RC3H1: variants seen among roughly 807,000 people sequenced by gnomAD.
RC3H1 encodes the protein roquin-1.
In RC3H1, 50 loss-of-function variants were observed where a neutral mutation model predicts 138.2. The observed-to-expected ratio is 0.36, with a 90% CI of 0.29 to 0.46. The LOEUF (loss-of-function observed/expected upper bound fraction) is 0.46. Among genes scored for constraint, RC3H1 ranks in the 20% least tolerant of loss-of-function variants. The pLI is 1.00. For synonymous variants in RC3H1, 462 were observed against 489.1 expected (o/e 0.94, Z 0.73); for missense variants, 1,031 against 1,388.1 (o/e 0.74, Z 4.09).
intron 9 of RC3H1, among the ~76,000 whole-genome samples, chr1:173,967,570 T>C (rs2102954432): frequency 6.6e-6 from 1 of 152,354 alleles, no homozygotes; most frequent in Non-Finnish European, 1.5e-5. Context: ...TGCATTTCTT[T>C]AACAACTAGT....
intron 1 of RC3H1, among the ~76,000 whole-genome samples, chr1:173,998,509 T>C (rs1164828488): frequency 1.3e-5 from 2 of 152,300 alleles, no homozygotes; most frequent in South Asian, 2.1e-4. Flanking sequence ...AAAAATACCA[T>C]ATAATTTCCC....
At chr1:174,018,326 AAACT>A (rs1661901212) in intron 1 of RC3H1, among the ~76,000 whole-genome samples, 1 of 152,208 alleles carries the variant, frequency 6.6e-6, no homozygotes, top group Non-Finnish European at 1.5e-5. Flanking sequence ...AAAACAATAT[AAACT>A]AATAAGAAGT....
chr1:173,986,720 G>A (rs920563276), intron 2 of RC3H1, among the ~76,000 whole-genome samples: 1 of 152,112 alleles, frequency 6.6e-6, no homozygotes, highest in African/African-American at 2.4e-5. Flanking sequence ...GCGCCACCAC[G>A]CCTGGCTGAT....
In RC3H1 at chr1:173,938,865, TACATC is replaced by T. The variant is rs1212117474; in HGVS notation, c.3253_3257del (p.Asp1085ThrfsTer28). ...CTTGTGTCAAGGCTGATCCATTTGG[TACATC>T]ACTGCTGACATTTTAAAATTTTGAA... On this transcript the variant is annotated frameshift_variant and splice_region_variant, in exon 20 of 20. Coordinates refer to ENST00000367696, the MANE Select transcript of RC3H1 (RefSeq NM_172071.4). LOFTEE classifies it high-confidence loss of function. 3.7e-6 allele frequency: 6 copies of T among 1,602,850 alleles called. No homozygotes were observed. Among genetic ancestry groups the T allele is most frequent in the Non-Finnish European group, 5.1e-6 (6 of 1,175,596 alleles).
At chr1:173,967,921 C>T (rs895710636) in intron 9 of RC3H1, among the ~76,000 whole-genome samples, 18 of 152,198 alleles carry the variant, frequency 1.2e-4, no homozygotes, top group Admixed American at 4.6e-4. Context: ...TCTGTGGTTT[C>T]TTGCCTTCCT....
At chr1:173,996,882 A>T (rs1661470499) in intron 1 of RC3H1, among the ~76,000 whole-genome samples, 1 of 152,008 alleles carries the variant, frequency 6.6e-6, no homozygotes, top group Admixed American at 6.6e-5. Flanking sequence ...GTTCTTGTGG[A>T]GTCATTTTTT....
chr1:173,972,640 T>G lies in RC3H1; in HGVS notation c.1103-13A>C. 2 of 1,548,560 alleles carry G rather than the reference T, an allele frequency of 1.3e-6. No homozygotes were observed. Among genetic ancestry groups the G allele is most frequent in the Non-Finnish European group, 1.8e-6 (2 of 1,120,426 alleles). On this transcript the variant is annotated splice_polypyrimidine_tract_variant and intron_variant, in intron 7 of 19. Transcript: ENST00000367696. ...GGAGGAGGAGCATCTATACAACCAATGATAATGTTTTAAACTCTAATGTTA... is the reference window on the plus strand; with the variant it reads ...GGAGGAGGAGCATCTATACAACCAAGGATAATGTTTTAAACTCTAATGTTA...
At position 174,017,783 on chromosome 1, in the gene RC3H1, C is replaced by CAAAAAAAAAAA. The variant is rs61239660; in HGVS notation, c.-151+4302_-151+4312dup. On this transcript the variant is annotated intron_variant, in intron 1 of 19. Transcript: ENST00000367696. The stretch of plus-strand genomic sequence containing the variant: ...ACCCCTTTAGAACTCTTTTCTTGCT[C>CAAAAAAAAAAA]AAAAAAAAAAAAAAAAAAAAAAAAA... Among the ~76,000 whole-genome samples, 338 of 71,982 alleles carry CAAAAAAAAAAA rather than the reference C, an allele frequency of 4.7e-3. 31 individuals are homozygous for CAAAAAAAAAAA. The highest frequency in any genetic ancestry group is 0.022 in the East Asian group (50 of 2,258). 47.2% of individuals were successfully genotyped at this position (71,982 alleles called of 152,430 possible). A position where few individuals can be genotyped will look rare whatever the true frequency, so the allele number is the denominator to read the frequency against.
At chr1:173,984,934 C>CAAAAAA (rs1311298219) in intron 2 of RC3H1, among the ~76,000 whole-genome samples, 1 of 152,252 alleles carries the variant, frequency 6.6e-6, no homozygotes, top group East Asian at 1.9e-4. Context: ...TTCATTACCC[C>CAAAAAA]AAAAAGAAAC....
intron 14 of RC3H1, among the ~76,000 whole-genome samples, chr1:173,948,979 C>G (rs1659259400): frequency 6.6e-6 from 1 of 151,976 alleles, no homozygotes; most frequent in South Asian, 2.1e-4. Context: ...CTTTTGAAAG[C>G]CAAGTACAAG....
chr1:173,942,669 A>G (rs1200873176), intron 18 of RC3H1, among the ~76,000 whole-genome samples: 1 of 151,776 alleles, frequency 6.6e-6, no homozygotes, highest in Non-Finnish European at 1.5e-5. Context: ...CGTCTCTACT[A>G]AAAATACAAA....
rs143898854 is a variant in RC3H1, at chr1:173,963,385, G to A, written c.1831+588C>T. On this transcript the variant is annotated intron_variant, in intron 11 of 19. Transcript: ENST00000367696. Reference sequence around the variant, plus strand: ...GAGTCTTTCAGTCAATCTCTATCAAGCTAATATTAACCACAACAGATCACT... The same window carrying A: ...GAGTCTTTCAGTCAATCTCTATCAAACTAATATTAACCACAACAGATCACT... Among the ~76,000 whole-genome samples, 1,498 of 151,956 alleles carry A rather than the reference G, an allele frequency of 9.9e-3. 11 individuals carry two copies. The highest frequency in any genetic ancestry group is 0.013 in the Non-Finnish European group (896 of 67,978).
Position 173,938,842 on chromosome 1 carries a change from T to C in RC3H1, c.3281A>G (p.Gln1094Arg). The C allele has an allele frequency of 6.2e-7, 1 of 1,613,438 alleles. No homozygotes were observed. ...GTTTGATAGGAGGCTGATATTCTCT[T>C]GTGTCAAGGCTGATCCATTTGGTAC... ...SDVPNGSALT[Q>R]ENISLLSNKT... Residue 1094 changes from glutamine to arginine, a missense_variant, in exon 20 of 20, where the codon CAA becomes CGA. By Grantham distance (43) the Gln-to-Arg change is conservative (BLOSUM62 1). Coordinates refer to ENST00000367696, the MANE Select transcript of RC3H1 (RefSeq NM_172071.4).
At chr1:173,994,022 G>GAAAAA (rs372280833) in intron 1 of RC3H1, among the ~76,000 whole-genome samples, 6 of 46,948 alleles carry the variant, frequency 1.3e-4, no homozygotes, top group African/African-American at 2.3e-4. Context: ...CTCCATCTCA[G>GAAAAA]AAAAAAAAAA....
intron 14 of RC3H1, among the ~76,000 whole-genome samples, chr1:173,951,640 C>T (rs574125076): frequency 1.3e-5 from 2 of 152,202 alleles, no homozygotes; most frequent in East Asian, 3.9e-4. Flanking sequence ...CTCCCGGGTT[C>T]ATGCCATTCT....
At chr1:173,965,231 C>G in intron 9 of RC3H1, 111 bp from the exon 10 acceptor site, 1 of 967,080 alleles carries the variant, frequency 1.0e-6, no homozygotes, top group Non-Finnish European at 1.5e-6. Flanking sequence ...AACATTAACT[C>G]TATCAGTGTG....
chr1:173,945,230 TCCTCCTGCCTTCAG>T (rs1211942650), intron 17 of RC3H1, among the ~76,000 whole-genome samples: 4 of 151,694 alleles, frequency 2.6e-5, no homozygotes, highest in Admixed American at 6.6e-5. Context: ...GCTCAGGTGA[TCCTCCTGCCTTCAG>T]CCTCCTGAGT....
At chr1:174,003,520 C>A (rs1435503353) in intron 1 of RC3H1, among the ~76,000 whole-genome samples, 2 of 151,924 alleles carry the variant, frequency 1.3e-5, no homozygotes, top group Non-Finnish European at 2.9e-5. Flanking sequence ...TTCTTAAAAC[C>A]TTCTTATCCA....
Position 173,952,076 on chromosome 1 carries a change from A to T in RC3H1, c.2433T>A (p.Ser811=). 6.2e-7 allele frequency: 1 copy of T among 1,608,560 alleles called. No homozygotes were observed. Among genetic ancestry groups the T allele is most frequent in the South Asian group, 1.1e-5 (1 of 90,100 alleles). The change falls in exon 14 of 20, where the codon TCT becomes TCA. Residue 811 remains serine (S), a synonymous_variant. Transcript: ENST00000367696. ...KYKGNDYSQY[S]PWSCDTIGSY... ...AGCCGATGGTGTCACATGACCAGGGAGAGTATTGGCTATAATCATTTCCTT... is the reference window on the plus strand; with the variant it reads ...AGCCGATGGTGTCACATGACCAGGGTGAGTATTGGCTATAATCATTTCCTT...
Sources: allele counts gnomAD v4.1 joint callset (sites outside exome capture counted in the v4.1 genomes callset), GRCh38; gene constraint gnomAD v4.1.1; transcripts MANE v1.5; gene names NCBI Gene and HGNC (gene_info 2026-07-23, HGNC 2026-07-21).